Variants in IRF6 observed in about 807,000 individuals in gnomAD.
The protein encoded by IRF6 is interferon regulatory factor 6.
Under a neutral mutation model 51.4 loss-of-function variants are expected in IRF6, and 6 were observed. That is an observed-to-expected ratio of 0.12 (90% CI 0.06 to 0.23). The LOEUF is 0.23. Among genes scored for constraint, IRF6 ranks in the 10% least tolerant of loss-of-function variants. The pLI is 1.00. For synonymous variants in IRF6, 178 were observed against 215.7 expected, an observed-to-expected ratio of 0.83 and a Z score of 1.53; for missense variants, 348 against 585.2, an observed-to-expected ratio of 0.59 and a Z score of 4.18.
rs1468618309 is a variant in IRF6, at chr1:209,786,414, A to G, written c.*2006T>C. On this transcript the variant is annotated 3_prime_UTR_variant, in exon 9 of 9. Transcript: ENST00000367021. ...GCTCACATTATCTGGGCTCCCACCC[A>G]GGCTACAGATAGCCTGGCTGTTAGC... The G allele has an allele frequency of 5.3e-5, 8 of 152,190 alleles. No individual in the cohort carries two copies. The highest frequency in any genetic ancestry group is 5.9e-5 in the Non-Finnish European group (4 of 68,042). 9.4% of individuals were successfully genotyped at this position (152,190 alleles called of 1,614,324 possible). A position where few individuals can be genotyped will look rare whatever the true frequency, so the allele number is the denominator to read the frequency against.
chr1:209,792,175 A>G, intron 6 of IRF6, 94 bp downstream of exon 6: 1 of 1,385,390 alleles, frequency 7.2e-7, no homozygotes, highest in Non-Finnish European at 1.0e-6. Context: ...GTAGTTTTTC[A>G]ATACATGGCA....
At chr1:209,792,848 CAACA>C (rs769529843) in intron 5 of IRF6, 19 of 223,774 alleles carry the variant, frequency 8.5e-5, no homozygotes, top group Non-Finnish European at 1.4e-4. Flanking sequence ...ATACCTTTAA[CAACA>C]AACAAATACT....
chr1:209,794,696 G>A (rs781757129), intron 5 of IRF6, among the ~76,000 whole-genome samples: 9 of 152,226 alleles, frequency 5.9e-5, no homozygotes, highest in South Asian at 2.1e-4. Context: ...CTCAGAAAAC[G>A]CAGTGGGAGA....
intron 5 of IRF6, chr1:209,793,306 C>T (rs1431979470): frequency 6.6e-6 from 1 of 152,096 alleles, no homozygotes; most frequent in Non-Finnish European, 1.5e-5. Context: ...AATTTATGTT[C>T]CCATTTTACT....
Position 209,788,275 on chromosome 1 carries a change from T to C in IRF6, c.*145A>G. On this transcript the variant is annotated 3_prime_UTR_variant, in exon 9 of 9. Coordinates refer to ENST00000367021, the MANE Select transcript of IRF6 (RefSeq NM_006147.4). ...TGATTTTTCCATAAATTAAATCAGC[T>C]TTAAATCTAGGCATATTTGGAGAAT... 1.5e-6 allele frequency: 1 copy of C among 651,074 alleles called. No homozygotes were observed. The highest frequency in any genetic ancestry group is 2.6e-6 in the Non-Finnish European group (1 of 379,736). The allele number at this position is 651,074 out of a possible 1,614,324, so 40.3% of individuals were successfully genotyped here.
intron 6 of IRF6, among the ~76,000 whole-genome samples, chr1:209,791,293 A>G (rs1167017527): frequency 1.3e-5 from 2 of 152,242 alleles, no homozygotes; most frequent in African/African-American, 2.4e-5. Context: ...AAGAAGAAGC[A>G]ATACCAAACA....
At position 209,795,481 on chromosome 1, in the gene IRF6, A is replaced by G. The variant is rs886254694; in HGVS notation, c.380-63T>C. On this transcript the variant is annotated intron_variant, in intron 4 of 8. Coordinates refer to ENST00000367021, the MANE Select transcript of IRF6 (RefSeq NM_006147.4). ...GGTTGCACTGCCACCCCTGCAGCTG[A>G]CCCACCATTCAAGCTAGGGACTGCT... The G allele has an allele frequency of 2.9e-5, 46 of 1,608,330 alleles. No homozygotes were observed. The African/African-American group carries it at 5.3e-4, about 19-fold the overall frequency.
intron 5 of IRF6, among the ~76,000 whole-genome samples, chr1:209,794,469 C>T (rs1390300660): frequency 6.6e-6 from 1 of 152,214 alleles, no homozygotes; most frequent in Non-Finnish European, 1.5e-5. Context: ...GCATCACCTA[C>T]GGTAGAGTAC....
At chr1:209,794,472 T>C (rs2077888763) in intron 5 of IRF6, among the ~76,000 whole-genome samples, 1 of 152,166 alleles carries the variant, frequency 6.6e-6, no homozygotes, top group African/African-American at 2.4e-5. Flanking sequence ...TCACCTACGG[T>C]AGAGTACCTG....
intron 3 of IRF6, among the ~76,000 whole-genome samples, chr1:209,800,382 C>G (rs968586022): frequency 2.6e-5 from 4 of 152,110 alleles, no homozygotes; most frequent in Non-Finnish European, 4.4e-5. Context: ...TTTTTAAAAC[C>G]ATTTAAAAAA....
At chr1:209,793,460 G>T (rs188424987) in intron 5 of IRF6, among the ~76,000 whole-genome samples, 1 of 152,312 alleles carries the variant, frequency 6.6e-6, no homozygotes. Context: ...CATCCTTTTA[G>T]GGGGTGAGAA....
chr1:209,795,086 C>T (rs1293034728), intron 5 of IRF6, among the ~76,000 whole-genome samples: 1 of 152,168 alleles, frequency 6.6e-6, no homozygotes. Context: ...TGTTCTATTG[C>T]CTGGAACCCA....
rs2077829666 is a variant in IRF6, at chr1:209,785,782, A to G, written c.*2638T>C. The G allele has an allele frequency of 6.6e-6, 1 of 152,204 alleles. No homozygotes were observed. The highest frequency in any genetic ancestry group is 1.5e-5 in the Non-Finnish European group (1 of 68,048). The allele number at this position is 152,204 out of a possible 1,614,324, so 9.4% of individuals were successfully genotyped here. ...AGGACTGGCAGCGAAGTCCAAGACAAACAGTCCCTACCTTCAGCAAGTTTG... is the reference window on the plus strand; with the variant it reads ...AGGACTGGCAGCGAAGTCCAAGACAGACAGTCCCTACCTTCAGCAAGTTTG... On this transcript the variant is annotated 3_prime_UTR_variant, in exon 9 of 9. Coordinates refer to ENST00000367021, the MANE Select transcript of IRF6 (RefSeq NM_006147.4).
Position 209,795,368 on chromosome 1 carries a change from C to G in IRF6, c.430G>C (p.Glu144Gln), listed in dbSNP as rs980247902. 4 of 1,614,194 alleles carry G rather than the reference C, an allele frequency of 2.5e-6. No homozygotes were observed. Among genetic ancestry groups the G allele is most frequent in the Non-Finnish European group, 3.4e-6 (4 of 1,180,014 alleles). ...WDEKDNDVDE[E>Q]DEEDELDQSQ... ...TGATCCAGCTCATCTTCCTCATCTTCTTCATCCACATCATTATCCTTCTCA... is the reference window on the plus strand; with the variant it reads ...TGATCCAGCTCATCTTCCTCATCTTGTTCATCCACATCATTATCCTTCTCA... Residue 144 changes from glutamate (E) to glutamine (Q), a missense_variant, in exon 5 of 9, where the codon GAA becomes CAA. This residue lies in a region of IRF6 where 124 missense variants were observed against 141.6 expected (regional missense o/e 0.88). Coordinates refer to ENST00000367021, the MANE Select transcript of IRF6 (RefSeq NM_006147.4).
At chr1:209,793,391 A>C (rs1201481070) in intron 5 of IRF6, among the ~76,000 whole-genome samples, 2 of 152,176 alleles carry the variant, frequency 1.3e-5, no homozygotes, top group Non-Finnish European at 2.9e-5. Context: ...GGACACACAA[A>C]TATTAGCTTT....
intron 1 of IRF6, among the ~76,000 whole-genome samples, chr1:209,804,832 T>C (rs2077964050): frequency 6.6e-6 from 1 of 152,166 alleles, no homozygotes; most frequent in Non-Finnish European, 1.5e-5. Context: ...AAGCCGAGAT[T>C]TGGCCGTCAG....
intron 1 of IRF6, among the ~76,000 whole-genome samples, chr1:209,804,378 G>A (rs1466749570): frequency 6.6e-6 from 1 of 151,998 alleles, no homozygotes; most frequent in Non-Finnish European, 1.5e-5. Context: ...CTCATCTTCT[G>A]CGCACCAAGA....
chr1:209,800,194 G>C (rs535993700), intron 3 of IRF6, among the ~76,000 whole-genome samples: 14 of 152,208 alleles, frequency 9.2e-5, no homozygotes, highest in Non-Finnish European at 1.9e-4. Context: ...AGCTGGTGTG[G>C]AGCAGAGACG....
In IRF6 at chr1:209,790,975, C is replaced by A. The variant is rs536115240; in HGVS notation, c.668-88G>T. 1.9e-6 allele frequency: 3 copies of A among 1,603,724 alleles called. No individual in the cohort carries two copies. The highest frequency in any genetic ancestry group is 1.3e-5 in the African/African-American group (1 of 74,838). ...CTCATGCAAGTCCATTAAGATCAAG[C>A]CACCTTTCAACCAGCATTCAGGAAG... On this transcript the variant is annotated intron_variant, in intron 6 of 8. Transcript: ENST00000367021. The surrounding 1 kb of genome is among the most constrained non-coding windows in gnomAD (Gnocchi z 4.8).
Sources: allele counts gnomAD v4.1 joint callset (sites outside exome capture counted in the v4.1 genomes callset), GRCh38; gene constraint gnomAD v4.1.1; regional missense constraint gnomAD v4.1.1; non-coding constraint Gnocchi (gnomAD v3.1); transcripts MANE v1.5; gene names NCBI Gene and HGNC (gene_info 2026-07-23, HGNC 2026-07-21).